Variants in CLEC4M observed in about 807,000 individuals in gnomAD.
CLEC4M encodes C-type lectin domain family 4 member M, also known as CD209 antigen-like protein 1.
A neutral mutation model predicts 39.1 loss-of-function variants in CLEC4M; 25 were observed. That is an observed-to-expected ratio of 0.64 (90% CI 0.47 to 0.89). The LOEUF (loss-of-function observed/expected upper bound fraction) is 0.89. Ranked by LOEUF, CLEC4M falls within the 40% of genes least tolerant of loss-of-function variation. The probability of loss-of-function intolerance (pLI) is 0.00; values close to 1 mark genes in which losing one functional copy is unlikely to be tolerated. For synonymous variants in CLEC4M, 155 were observed against 177.4 expected (o/e 0.87, Z 1.00); for missense variants, 353 against 431.4 (o/e 0.82, Z 1.61).
rs750508405 is a variant in CLEC4M at position 7,766,991 on chromosome 19, T to C, written c.936+184T>C. 1.2e-5 allele frequency: 13 copies of C among 1,044,560 alleles called. 1 individual carries two copies. The highest frequency in any genetic ancestry group is 3.2e-5 in the African/African-American group (2 of 62,290). The allele number at this position is 1,044,560 out of a possible 1,614,324, so 64.7% of individuals were successfully genotyped here. ...CAAATACAAACCAGATCTGAACACATGTGAATATTTGGGGGAAACGTCAAA... is the reference window on the plus strand; with the variant it reads ...CAAATACAAACCAGATCTGAACACACGTGAATATTTGGGGGAAACGTCAAA... On this transcript the variant is annotated intron_variant, in intron 5 of 6. Coordinates refer to ENST00000327325, the MANE Select transcript of CLEC4M (RefSeq NM_014257.5).
chr19:7,763,474 C>T lies in CLEC4M; in HGVS notation c.128C>T (p.Thr43Ile). Residue 43 changes from threonine (T) to isoleucine (I), a missense_variant and splice_region_variant, in exon 2 of 7, where the codon ACA (threonine) becomes ATA (isoleucine). By Grantham distance (89) the Thr-to-Ile change is moderately conservative. Coordinates refer to ENST00000327325, the MANE Select transcript of CLEC4M (RefSeq NM_014257.5). ...CAGATACATGGCCACAAGAGCTCTACAGGTAGGCAAGAGTTAGGGAGCAGA... is the reference window on the plus strand; with the variant it reads ...CAGATACATGGCCACAAGAGCTCTATAGGTAGGCAAGAGTTAGGGAGCAGA... ...FQQIHGHKSS[T>I]GCLGHGALVL... The T allele has an allele frequency of 6.2e-7, 1 of 1,613,648 alleles. No individual in the cohort carries two copies. Among genetic ancestry groups the T allele is most frequent in the Non-Finnish European group, 8.5e-7 (1 of 1,179,662 alleles).
chr19:7,768,895 G>A lies in CLEC4M; in HGVS notation c.1107G>A (p.Ala369=), dbSNP rs144974332. 52 of 1,614,158 alleles carry A rather than the reference G, an allele frequency of 3.2e-5. No individual in the cohort carries two copies. The highest frequency in any genetic ancestry group is 3.3e-4 in the Middle Eastern group (2 of 6,062). ...EPNNSGNEDC[A]EFSGSGWNDN... Reference sequence around the variant, plus strand: ...ACAATAGCGGGAATGAAGACTGTGCGGAATTTAGTGGCAGTGGCTGGAACG... The same window carrying A: ...ACAATAGCGGGAATGAAGACTGTGCAGAATTTAGTGGCAGTGGCTGGAACG... Residue 369 remains alanine (A), a synonymous_variant, in exon 7 of 7, where the codon GCG becomes GCA. Coordinates refer to ENST00000327325, the MANE Select transcript of CLEC4M (RefSeq NM_014257.5).
chr19:7,767,432 C>T, intron 5 of CLEC4M, 84 bp from the exon 6 acceptor site: 1 of 1,055,890 alleles, frequency 9.5e-7, no homozygotes, highest in East Asian at 2.4e-5. Flanking sequence ...AACTTGAAAG[C>T]AGAACTTTCT....
Position 7,765,195 on chromosome 19 carries a change from C to T in CLEC4M, c.141C>T (p.Gly47=). The T allele has an allele frequency of 1.2e-6, 2 of 1,614,150 alleles. No homozygotes were observed. The highest frequency in any genetic ancestry group is 1.1e-5 in the South Asian group (1 of 91,080). The change falls in exon 3 of 7, where the codon GGC becomes GGT. Residue 47 remains glycine (G), a synonymous_variant. Coordinates refer to ENST00000327325, the MANE Select transcript of CLEC4M (RefSeq NM_014257.5). ...HGHKSSTGCL[G]HGALVLQLLS... ...TGTATCCTCTCTCAGGGTGTCTTGGCCATGGCGCCCTGGTGCTGCAACTCC... is the reference window on the plus strand; with the variant it reads ...TGTATCCTCTCTCAGGGTGTCTTGGTCATGGCGCCCTGGTGCTGCAACTCC...
In CLEC4M at chr19:7,765,854, C is replaced by T. The variant is rs2034243838; in HGVS notation, c.431C>T (p.Ala144Val). ...TACCAGGAGCTGACCCGGCTGAAGGCTGCAGTGGGTGAGTTGCCAGAGAAA... is the reference window on the plus strand; with the variant it reads ...TACCAGGAGCTGACCCGGCTGAAGGTTGCAGTGGGTGAGTTGCCAGAGAAA... ...EIYQELTRLKAAVGELPEKSK... is the reference protein window; with the variant it reads ...EIYQELTRLKVAVGELPEKSK... The change falls in exon 4 of 7, where the codon GCT becomes GTT. Residue 144 changes from alanine (A) to valine (V), a missense_variant. Physicochemically the swap from Ala to Val is moderately conservative, Grantham distance 64. Transcript: ENST00000327325. The T allele has an allele frequency of 6.9e-6, 4 of 581,624 alleles. No homozygotes were observed. The highest frequency in any genetic ancestry group is 1.2e-5 in the Non-Finnish European group (4 of 341,152). The allele number at this position is 581,624 out of a possible 1,614,324, so 36.0% of individuals were successfully genotyped here. A position where few individuals can be genotyped will look rare whatever the true frequency, so the allele number is the denominator to read the frequency against.
intron 4 of CLEC4M, 141 bp from the exon 5 acceptor site, chr19:7,766,515 T>C: frequency 1.3e-6 from 2 of 1,511,914 alleles, no homozygotes; most frequent in East Asian, 2.3e-5. Context: ...GGGAGAGGAA[T>C]GGTCTCTCCC....
At chr19:7,763,538 G>A in intron 2 of CLEC4M, 62 bp downstream of exon 2, 2 of 1,429,160 alleles carry the variant, frequency 1.4e-6, no homozygotes, top group Admixed American at 3.5e-5. Flanking sequence ...TGGGTCCTGG[G>A]GAGGTAGGTG....
chr19:7,769,011 C>T lies in CLEC4M; in HGVS notation c.*23C>T. The T allele has an allele frequency of 6.2e-7, 1 of 1,611,422 alleles. No homozygotes were observed. Among genetic ancestry groups the T allele is most frequent in the Admixed American group, 1.7e-5 (1 of 59,938 alleles). ...TAGTTGTTTCCCTGCTAGCCTCAGC[C>T]TCCATTGTGGTATAGCAGAACTTCA... On this transcript the variant is annotated 3_prime_UTR_variant, in exon 7 of 7. Transcript: ENST00000327325.
chr19:7,766,499 G>T, intron 4 of CLEC4M, 157 bp from the exon 5 acceptor site: 1 of 1,485,424 alleles, frequency 6.7e-7, no homozygotes, highest in Non-Finnish European at 8.9e-7. Flanking sequence ...AGAGTCTTGG[G>T]AAGTAGGGAG....
chr19:7,765,118 G>A (rs1247186704), intron 2 of CLEC4M, 67 bp from the exon 3 acceptor site: 5 of 1,560,270 alleles, frequency 3.2e-6, no homozygotes, highest in Non-Finnish European at 4.4e-6. Flanking sequence ...GAGGGATTAG[G>A]CCAGGCTCTC....
rs1292507736 is a variant in CLEC4M, at chr19:7,766,663, G to A, written c.792G>A (p.Leu264=). The A allele has an allele frequency of 1.2e-6, 2 of 1,614,130 alleles. No individual in the cohort carries two copies. Among genetic ancestry groups the A allele is most frequent in the Admixed American group, 3.3e-5 (2 of 60,008 alleles). ...ACCAGCCTCCCCCAACAGAACGCCT[G>A]TGCCGCCACTGTCCCAAGGACTGGA... ...LTDLKTAFER[L]CRHCPKDWTF... is the part of the protein sequence containing the mutation. Residue 264 remains leucine, a synonymous_variant, in exon 5 of 7, where the codon CTG becomes CTA. Coordinates refer to ENST00000327325, the MANE Select transcript of CLEC4M (RefSeq NM_014257.5).
chr19:7,769,093 A>G lies in CLEC4M; in HGVS notation c.*105A>G. 8.2e-7 allele frequency: 1 copy of G among 1,219,484 alleles called. No homozygotes were observed. Among genetic ancestry groups the G allele is most frequent in the Non-Finnish European group, 1.2e-6 (1 of 867,208 alleles). The allele number at this position is 1,219,484 out of a possible 1,614,324, so 75.5% of individuals were successfully genotyped here. On this transcript the variant is annotated 3_prime_UTR_variant, in exon 7 of 7. Transcript: ENST00000327325. ...TCCTTGGACCTTCACAAATGCCCTG[A>G]GACGGTTCTCTGTTCGATTTTTCAT...
At chr19:7,764,187 C>T (rs567074746) in intron 2 of CLEC4M, among the ~76,000 whole-genome samples, 1 of 151,870 alleles carries the variant, frequency 6.6e-6, no homozygotes, top group Admixed American at 6.6e-5. Flanking sequence ...AACAAAGAGT[C>T]AAGTTACCTT....
chr19:7,766,839 G>C lies in CLEC4M; in HGVS notation c.936+32G>C, dbSNP rs371822945. The C allele has an allele frequency of 1.8e-5, 29 of 1,613,516 alleles. No individual in the cohort carries two copies. The East Asian group carries it at 3.8e-4, about 21-fold the overall frequency. ...GTGGTGGGGGTCCTCGTCCTGGCCTGGGGCATGGCTTCTGGCCAACTGGGG... is the reference window on the plus strand; with the variant it reads ...GTGGTGGGGGTCCTCGTCCTGGCCTCGGGCATGGCTTCTGGCCAACTGGGG... On this transcript the variant is annotated intron_variant, in intron 5 of 6. Coordinates refer to ENST00000327325, the MANE Select transcript of CLEC4M (RefSeq NM_014257.5).
rs1365663892 is a variant in CLEC4M, at chr19:7,766,214, T to A, written c.784+7T>A. 1 of 1,613,976 alleles carries A rather than the reference T, an allele frequency of 6.2e-7. No homozygotes were observed. Among genetic ancestry groups the A allele is most frequent in the Admixed American group, 1.7e-5 (1 of 60,032 alleles). ...GATTTGAAGACTGCATTTGGTGAGT[T>A]CCTGCACATCAAGGGTCCTTGGGCC... On this transcript the variant is annotated splice_region_variant and intron_variant, in intron 4 of 6. Coordinates refer to ENST00000327325, the MANE Select transcript of CLEC4M (RefSeq NM_014257.5).
At chr19:7,763,544 A>C (rs1013594416) in intron 2 of CLEC4M, 68 bp downstream of exon 2, 4 of 1,368,104 alleles carry the variant, frequency 2.9e-6, no homozygotes, top group African/African-American at 1.5e-5. Context: ...CTGGGGAGGT[A>C]GGTGTTGGGG....
chr19:7,765,031 G>A lies in CLEC4M; in HGVS notation c.131-154G>A, dbSNP rs978045556. 2.0e-5 allele frequency among the ~76,000 whole-genome samples: 3 copies of A among 152,016 alleles called. No individual in the cohort carries two copies. In the South Asian group the frequency reaches 6.2e-4, roughly 32 times the overall value. ...GGATGGGGTTCCTGGGTCCTGGGGA[G>A]GTTAGAGCTAGGGCCTGGATTCCCA... On this transcript the variant is annotated intron_variant, in intron 2 of 6. Coordinates refer to ENST00000327325, the MANE Select transcript of CLEC4M (RefSeq NM_014257.5).
At chr19:7,767,787 C>A in intron 6 of CLEC4M, 159 bp downstream of exon 6, 1 of 604,534 alleles carries the variant, frequency 1.7e-6, no homozygotes, top group South Asian at 2.0e-5. Flanking sequence ...ATACCCACCT[C>A]CAGACAGGAT....
In CLEC4M at chr19:7,765,768, G is replaced by A. The variant is rs759369974; in HGVS notation, c.345G>A (p.Glu115=). The part of the protein sequence containing the change: ...EKSKLQEIYQ[E]LTQLKAAVGE... ...CCAAGCTGCAGGAGATCTACCAGGA[G>A]CTGACCCAGCTGAAGGCTGCAGTGG... Residue 115 remains glutamate, a synonymous_variant, in exon 4 of 7, where the codon GAG becomes GAA. Transcript: ENST00000327325. 1.2e-6 allele frequency: 2 copies of A among 1,613,614 alleles called. No homozygotes were observed. The highest frequency in any genetic ancestry group is 4.5e-5 in the East Asian group (2 of 44,878).
Sources: gnomAD v4.1 joint callset for allele counts (sites outside exome capture counted in the v4.1 genomes callset) on GRCh38, gnomAD v4.1.1 for gene constraint, MANE v1.5 for transcripts, NCBI Gene and HGNC (gene_info 2026-07-23, HGNC 2026-07-21) for gene names.